ZNF618: variants seen among roughly 807,000 people sequenced by gnomAD.
The protein encoded by ZNF618 is zinc finger protein 618.
In ZNF618, 34 loss-of-function variants were observed where a neutral mutation model predicts 103.0. The ratio of observed to expected loss-of-function variants is 0.33; its 90% confidence interval spans 0.25 to 0.44. The LOEUF (loss-of-function observed/expected upper bound fraction) is 0.44, where lower values mean the gene tolerates loss of function less well. Ranked by LOEUF, ZNF618 falls within the 20% of genes least tolerant of loss-of-function variation. The pLI is 1.00. For synonymous variants in ZNF618, 551 were observed against 542.2 expected (o/e 1.02, Z -0.23); for missense variants, 1,059 against 1,295.4 (o/e 0.82, Z 2.80).
At chr9:113,967,585 A>C (rs1837535196) in intron 1 of ZNF618, among the ~76,000 whole-genome samples, 1 of 152,194 alleles carries the variant, frequency 6.6e-6, no homozygotes, top group Non-Finnish European at 1.5e-5. Context: ...GGAGTGACCC[A>C]GACCTGAGCT....
chr9:114,038,419 C>T (rs1310596618), intron 13 of ZNF618, among the ~76,000 whole-genome samples: 3 of 152,240 alleles, frequency 2.0e-5, no homozygotes, highest in Admixed American at 2.0e-4. Flanking sequence ...CCAGAGAATG[C>T]CTGGCCGGCC....
chr9:113,887,290 G>T (rs1829164850), intron 1 of ZNF618, among the ~76,000 whole-genome samples: 1 of 151,894 alleles, frequency 6.6e-6, no homozygotes, highest in Non-Finnish European at 1.5e-5. Context: ...AAGAGAGAGA[G>T]ATTAGTAATT....
Position 114,049,401 on chromosome 9 carries a change from C to T in ZNF618, c.2099C>T (p.Ser700Leu), listed in dbSNP as rs759989006. The T allele has an allele frequency of 6.2e-7, 1 of 1,603,798 alleles. No individual in the cohort carries two copies. Among genetic ancestry groups the T allele is most frequent in the South Asian group, 1.1e-5 (1 of 89,550 alleles). ...PPPCWNSVTD[S>L]LLLVHERYEQ... is the part of the protein sequence containing the mutation. The stretch of plus-strand genomic sequence containing the variant: ...CCCTGCTGGAACTCGGTGACGGACT[C>T]ACTGTTGCTGGTGCATGAGCGCTAT... The change falls in exon 15 of 15, where the codon TCA becomes TTA. Residue 700 changes from serine to leucine, a missense_variant. Ser to Leu is a moderately radical substitution (Grantham distance 145). This residue lies in a region of ZNF618 where 272 missense variants were observed against 380.1 expected (regional missense o/e 0.72). Coordinates refer to ENST00000374126, the MANE Select transcript of ZNF618 (RefSeq NM_001318042.2).
rs33967417 is a variant in ZNF618 at position 113,951,577 on chromosome 9, A to ATGTGTG, written c.34-17524_34-17519dup. ...TGTGTGTGTATATGTGTGTGTGTAT[A>ATGTGTG]TGTGTGTGTGTGTGTGTGTGTATAT... On this transcript the variant is annotated intron_variant, in intron 1 of 14. Coordinates refer to ENST00000374126, the MANE Select transcript of ZNF618 (RefSeq NM_001318042.2). 5.5e-4 allele frequency among the ~76,000 whole-genome samples: 27 copies of ATGTGTG among 49,148 alleles called. 3 individuals carry two copies. The highest frequency in any genetic ancestry group is 1.7e-3 in the African/African-American group (26 of 15,490). 32.2% of individuals were successfully genotyped at this position (49,148 alleles called of 152,430 possible). A position where few individuals can be genotyped will look rare whatever the true frequency, so the allele number is the denominator to read the frequency against.
chr9:113,994,493 T>C (rs763990287), intron 3 of ZNF618, among the ~76,000 whole-genome samples: 3 of 152,190 alleles, frequency 2.0e-5, no homozygotes, highest in Non-Finnish European at 4.4e-5. Flanking sequence ...AGGGTCCCTG[T>C]TAGAAAGGGC....
intron 7 of ZNF618, among the ~76,000 whole-genome samples, 188 bp downstream of exon 7, chr9:114,007,627 CAT>C (rs1184961761): frequency 2.6e-5 from 4 of 152,200 alleles, no homozygotes; most frequent in Non-Finnish European, 5.9e-5. Flanking sequence ...TCATACTCCA[CAT>C]ACACTTCTAT....
chr9:113,907,873 T>C (rs981655163), intron 1 of ZNF618, among the ~76,000 whole-genome samples: 3 of 152,186 alleles, frequency 2.0e-5, no homozygotes, highest in Non-Finnish European at 4.4e-5. Context: ...AGGATTCCCC[T>C]CCTTCCCATG....
Position 114,049,067 on chromosome 9 carries a change from C to G in ZNF618, c.1765C>G (p.Arg589Gly), listed in dbSNP as rs747248006. Residue 589 changes from arginine (R) to glycine (G), a missense_variant, in exon 15 of 15, where the codon CGC (arginine) becomes GGC (glycine). Coordinates refer to ENST00000374126, the MANE Select transcript of ZNF618 (RefSeq NM_001318042.2). ...GCTTGGTGTGAAGGGTGCGGACATT[C>G]GCGACAGCGGTGACCTTGTGCACCA... Reference protein sequence around the residue: ...YVLGVKGADIRDSGDLVHHWV... With the variant: ...YVLGVKGADIGDSGDLVHHWV... 4 of 1,613,892 alleles carry G rather than the reference C, an allele frequency of 2.5e-6. No homozygotes were observed. The highest frequency in any genetic ancestry group is 2.2e-5 in the East Asian group (1 of 44,880).
At chr9:113,982,894 T>C (rs570174431) in intron 2 of ZNF618, among the ~76,000 whole-genome samples, 1 of 152,344 alleles carries the variant, frequency 6.6e-6, no homozygotes, top group South Asian at 2.1e-4. Context: ...GCTTCTCTCC[T>C]GGTCAGCTTG....
intron 10 of ZNF618, among the ~76,000 whole-genome samples, chr9:114,020,473 G>C (rs1842977777): frequency 6.6e-6 from 1 of 151,990 alleles, no homozygotes; most frequent in African/African-American, 2.4e-5. Context: ...AAGTATTTAG[G>C]GCTTGTTTAG....
chr9:113,936,693 C>G (rs925032265), intron 1 of ZNF618, among the ~76,000 whole-genome samples: 2 of 152,116 alleles, frequency 1.3e-5, no homozygotes, highest in Non-Finnish European at 2.9e-5. Flanking sequence ...GAATAGAACC[C>G]GGCAATAATA....
chr9:114,043,355 T>C (rs1845380301), intron 13 of ZNF618, among the ~76,000 whole-genome samples: 2 of 152,226 alleles, frequency 1.3e-5, no homozygotes, highest in South Asian at 4.1e-4. Flanking sequence ...CAACAGTGTA[T>C]GAGGATTCTA....
At chr9:114,036,459 C>T (rs1844620766) in intron 13 of ZNF618, 82 bp downstream of exon 13, 1 of 1,430,796 alleles carries the variant, frequency 7.0e-7, no homozygotes, top group Non-Finnish European at 9.6e-7. Context: ...GACCTGAGGC[C>T]CCTGGAGAAG....
At chr9:113,909,247 C>A (rs191311025) in intron 1 of ZNF618, among the ~76,000 whole-genome samples, 1 of 152,146 alleles carries the variant, frequency 6.6e-6, no homozygotes, top group Admixed American at 6.5e-5. Context: ...CATGTCCCGG[C>A]CTGATACCTG....
intron 2 of ZNF618, among the ~76,000 whole-genome samples, chr9:113,975,013 T>C (rs1422656087): frequency 7.9e-5 from 12 of 152,210 alleles, no homozygotes; most frequent in Non-Finnish European, 1.0e-4. Flanking sequence ...GCACAATTCC[T>C]AGTTCAAAGC....
At chr9:114,036,773 A>C (rs1172989489) in intron 13 of ZNF618, among the ~76,000 whole-genome samples, 2 of 152,224 alleles carry the variant, frequency 1.3e-5, no homozygotes, top group African/African-American at 2.4e-5. Flanking sequence ...AGAGACATGC[A>C]GCCCAAGGCA....
chr9:113,975,949 C>T (rs1422568100), intron 2 of ZNF618, among the ~76,000 whole-genome samples: 2 of 152,130 alleles, frequency 1.3e-5, no homozygotes, highest in Non-Finnish European at 2.9e-5. Context: ...ACAAAAAAAT[C>T]CTAAATTGCA....
chr9:113,998,923 C>G (rs755100219), intron 4 of ZNF618, among the ~76,000 whole-genome samples: 2 of 152,240 alleles, frequency 1.3e-5, no homozygotes, highest in Non-Finnish European at 2.9e-5. Flanking sequence ...TGGACCAGGC[C>G]CTGTGCTAAG....
intron 3 of ZNF618, among the ~76,000 whole-genome samples, chr9:113,993,956 A>G (rs1588270066): frequency 6.6e-6 from 1 of 152,212 alleles, no homozygotes; most frequent in East Asian, 1.9e-4. Flanking sequence ...AACTGGACAT[A>G]AGCCTGTGAG....
Sources: gnomAD v4.1 joint callset for allele counts (sites outside exome capture counted in the v4.1 genomes callset) on GRCh38, gnomAD v4.1.1 for gene constraint, gnomAD v4.1.1 regional missense constraint, MANE v1.5 for transcripts, NCBI Gene and HGNC (gene_info 2026-07-23, HGNC 2026-07-21) for gene names.